KCNN1: variants seen among roughly 807,000 people sequenced by gnomAD.
The protein encoded by KCNN1 is potassium calcium-activated channel subfamily N member 1.
A neutral mutation model predicts 44.7 loss-of-function variants in KCNN1; 20 were observed. The observed-to-expected ratio is 0.45, with a 90% CI of 0.32 to 0.65. KCNN1 has a LOEUF of 0.65. KCNN1 is among the 30% of genes least tolerant of loss of function. The pLI is 0.05. For missense variants in KCNN1, 632 were observed against 785.3 expected (o/e 0.80, Z 2.33); for synonymous variants, 324 against 341.7 (o/e 0.95, Z 0.57).
At chr19:17,961,201 A>C (rs1188507748) in intron 2 of KCNN1, among the ~76,000 whole-genome samples, 1 of 151,278 alleles carries the variant, frequency 6.6e-6, no homozygotes, top group South Asian at 2.1e-4. Flanking sequence ...AAAAAAAAAA[A>C]AAAAACCCAG....
chr19:17,985,193 C>A (rs1236774304), intron 4 of KCNN1, 119 bp from the exon 5 acceptor site: 2 of 972,814 alleles, frequency 2.1e-6, no homozygotes, highest in Non-Finnish European at 2.9e-6. Context: ...AGGACATAGC[C>A]CCAACGCAGC....
rs201626682 is a variant in KCNN1 at position 17,979,864 on chromosome 19, GA to G, written c.499-1836del. 6.7e-5 allele frequency among the ~76,000 whole-genome samples: 10 copies of G among 149,472 alleles called. 1 individual carries two copies. Among genetic ancestry groups the G allele is most frequent in the African/African-American group, 2.0e-4 (8 of 40,790 alleles). ...ATTTTTAAAATGACACGTGAAAAAG[GA>G]AAAAAAAAGATACTTAAGAGTTATA... On this transcript the variant is annotated intron_variant, in intron 3 of 9. Transcript: ENST00000684775.
intron 3 of KCNN1, 140 bp from the exon 4 acceptor site, chr19:17,981,562 AAAAAAAG>A: frequency 1.4e-6 from 1 of 705,230 alleles, no homozygotes; most frequent in Non-Finnish European, 2.2e-6. Context: ...CAAAAAAAAA[AAAAAAAG>A]AAAGAAAGAA....
chr19:17,966,729 T>C (rs899152349), upstream of KCNN1, among the ~76,000 whole-genome samples: 3 of 152,058 alleles, frequency 2.0e-5, no homozygotes, highest in African/African-American at 7.2e-5. Context: ...AGGAGGTCGT[T>C]TGAGGGGCAG....
chr19:17,968,163 G>A (rs1337971718), intron 1 of KCNN1, among the ~76,000 whole-genome samples: 1 of 152,016 alleles, frequency 6.6e-6, no homozygotes, highest in African/African-American at 2.4e-5. Context: ...GACTCTGGCT[G>A]CGCCCGCTGG....
rs139147560 is a variant in KCNN1, at chr19:17,981,026, G to A, written c.499-683G>A. On this transcript the variant is annotated intron_variant, in intron 3 of 9. Coordinates refer to ENST00000684775, the MANE Select transcript of KCNN1 (RefSeq NM_001386974.1). Reference sequence around the variant, plus strand: ...GAAGTCAGGAGTTTGAGACCAGCCTGGCCAACATGGTGAAACCCCGTATCT... The same window carrying A: ...GAAGTCAGGAGTTTGAGACCAGCCTAGCCAACATGGTGAAACCCCGTATCT... Among the ~76,000 whole-genome samples, 1,333 of 152,164 alleles carry A rather than the reference G, an allele frequency of 8.8e-3. 9 individuals are homozygous for A. Among genetic ancestry groups the A allele is most frequent in the African/African-American group, 0.029 (1,220 of 41,496 alleles).
intron 1 of KCNN1, among the ~76,000 whole-genome samples, chr19:17,973,143 G>T (rs2032080877): frequency 1.3e-5 from 2 of 151,840 alleles, no homozygotes; most frequent in Admixed American, 1.3e-4. Flanking sequence ...TTTTGTTTTT[G>T]TTTTTTTTAG....
chr19:17,967,330 A>G lies in KCNN1; in HGVS notation c.-82+13A>G. The G allele has an allele frequency of 1.0e-6, 1 of 984,068 alleles. No homozygotes were observed. Among genetic ancestry groups the G allele is most frequent in the African/African-American group, 1.7e-5 (1 of 57,204 alleles). 61.0% of individuals were successfully genotyped at this position (984,068 alleles called of 1,614,324 possible). A position where few individuals can be genotyped will look rare whatever the true frequency, so the allele number is the denominator to read the frequency against. ...CCGAGCCCCGCAGGTACAGGGTGGG[A>G]TGGGTGAGGGTGCGGGAGGATCCAG... On this transcript the variant is annotated intron_variant, in intron 1 of 9. Coordinates refer to ENST00000684775, the MANE Select transcript of KCNN1 (RefSeq NM_001386974.1).
At chr19:17,980,982 C>T (rs577966109) in intron 3 of KCNN1, among the ~76,000 whole-genome samples, 6 of 152,096 alleles carry the variant, frequency 3.9e-5, no homozygotes, top group East Asian at 3.9e-4. Context: ...TTTGGGAGGC[C>T]GAGGCATGTG....
chr19:17,995,259 A>G (rs1397770609), intron 9 of KCNN1, among the ~76,000 whole-genome samples: 5 of 150,052 alleles, frequency 3.3e-5, no homozygotes, highest in African/African-American at 4.9e-5. Context: ...CGCAGCCTCA[A>G]CCTCCCCAGG....
At chr19:17,973,719 A>C in intron 1 of KCNN1, 89 bp from the exon 2 acceptor site, 5 of 1,389,380 alleles carry the variant, frequency 3.6e-6, no homozygotes, top group Non-Finnish European at 4.7e-6. Flanking sequence ...TCCCAAACTT[A>C]GAACGTTCTG....
chr19:17,970,517 A>G (rs537624436), intron 1 of KCNN1, among the ~76,000 whole-genome samples: 8 of 151,362 alleles, frequency 5.3e-5, no homozygotes, highest in Admixed American at 5.3e-4. Flanking sequence ...GGGTTTCACT[A>G]TGTTGGCCAG....
chr19:17,972,001 C>A (rs187302919), intron 1 of KCNN1: 1 of 152,052 alleles, frequency 6.6e-6, no homozygotes, highest in African/African-American at 2.4e-5. Flanking sequence ...AAGGCCTGAT[C>A]TCTACTAGAA....
At chr19:17,995,865 C>G (rs2032970662) in intron 9 of KCNN1, among the ~76,000 whole-genome samples, 1 of 152,112 alleles carries the variant, frequency 6.6e-6, no homozygotes, top group Non-Finnish European at 1.5e-5. Flanking sequence ...GGATTACAGG[C>G]ATAAGCCACT....
intron 2 of KCNN1, 32 bp from the exon 3 acceptor site, chr19:17,975,060 G>A (rs367795406): frequency 1.0e-5 from 16 of 1,577,652 alleles, no homozygotes; most frequent in East Asian, 8.9e-5. Context: ...CGCCTCCAGC[G>A]TCCATCTGGC....
intron 9 of KCNN1, among the ~76,000 whole-genome samples, chr19:17,995,207 C>T (rs1238261051): frequency 1.3e-5 from 2 of 149,710 alleles, no homozygotes; most frequent in East Asian, 2.0e-4. Context: ...GGGTCTTGCT[C>T]TGTGGTACAG....
Position 17,995,389 on chromosome 19 carries a change from G to T in KCNN1, c.1377+1830G>T, listed in dbSNP as rs570122609. 1.8e-3 allele frequency among the ~76,000 whole-genome samples: 270 copies of T among 152,082 alleles called. 3 individuals carry two copies. The highest frequency in any genetic ancestry group is 6.3e-3 in the African/African-American group (263 of 41,468). On this transcript the variant is annotated intron_variant, in intron 9 of 9. Transcript: ENST00000684775. Reference sequence around the variant, plus strand: ...GGGTTTCACCATGTTGCCCAGGCTGGTCTCAAACTCCTGAGCTCAAGTGAT... The same window carrying T: ...GGGTTTCACCATGTTGCCCAGGCTGTTCTCAAACTCCTGAGCTCAAGTGAT...
At chr19:17,980,594 G>C (rs1484542411) in intron 3 of KCNN1, among the ~76,000 whole-genome samples, 1 of 152,050 alleles carries the variant, frequency 6.6e-6, no homozygotes, top group African/African-American at 2.4e-5. Context: ...ACGAGGTCAC[G>C]TTTCTGACTT....
intron 3 of KCNN1, 68 bp from the exon 4 acceptor site, chr19:17,981,641 G>A (rs1032778032): frequency 4.1e-5 from 58 of 1,420,122 alleles, no homozygotes; most frequent in African/African-American, 2.2e-4. Flanking sequence ...CTGGGGGCGC[G>A]GTGGGGCTGG....
Sources: gnomAD v4.1 joint callset for allele counts (sites outside exome capture counted in the v4.1 genomes callset) on GRCh38, gnomAD v4.1.1 for gene constraint, MANE v1.5 for transcripts, NCBI Gene and HGNC (gene_info 2026-07-23, HGNC 2026-07-21) for gene names.